Variants in PDZRN4 observed in about 807,000 individuals in gnomAD.
PDZRN4 encodes PDZ domain containing ring finger 4.
In PDZRN4, 70 loss-of-function variants were observed where a neutral mutation model predicts 99.0. The ratio of observed to expected loss-of-function variants is 0.71; its 90% CI spans 0.58 to 0.86. PDZRN4 has a LOEUF of 0.86. Ranked by LOEUF, PDZRN4 falls within the 40% of genes least tolerant of loss-of-function variation. The pLI is 0.00. For missense variants in PDZRN4, 1,474 were observed against 1,331.2 expected, an observed-to-expected ratio of 1.11 and a Z score of -1.67; for synonymous variants, 551 against 501.6, an observed-to-expected ratio of 1.10 and a Z score of -1.32.
intron 3 of PDZRN4, among the ~76,000 whole-genome samples, chr12:41,212,859 A>G (rs1055366206): frequency 2.6e-5 from 4 of 152,032 alleles, no homozygotes; most frequent in African/African-American, 9.7e-5. Flanking sequence ...AGCTTTTTAA[A>G]GAGACAGATG....
At chr12:41,218,062 C>A (rs972520302) in intron 3 of PDZRN4, among the ~76,000 whole-genome samples, 6 of 152,084 alleles carry the variant, frequency 3.9e-5, no homozygotes, top group African/African-American at 1.2e-4. Flanking sequence ...TCAAAAGCAG[C>A]CTTCCAAGTC....
At chr12:41,299,578 C>G (rs1951520155) in intron 3 of PDZRN4, among the ~76,000 whole-genome samples, 1 of 152,000 alleles carries the variant, frequency 6.6e-6, no homozygotes, top group Non-Finnish European at 1.5e-5. Context: ...TGTTCAGAGA[C>G]AAAATTGCTA....
At chr12:41,278,968 C>G (rs935919838) in intron 3 of PDZRN4, among the ~76,000 whole-genome samples, 10 of 152,078 alleles carry the variant, frequency 6.6e-5, no homozygotes, top group African/African-American at 2.4e-4. Context: ...AGAAAAAGTC[C>G]CAGTTAAATA....
chr12:41,363,465 T>A (rs560705121), intron 3 of PDZRN4, among the ~76,000 whole-genome samples: 10 of 152,266 alleles, frequency 6.6e-5, no homozygotes, highest in Middle Eastern at 3.4e-3. Flanking sequence ...GATGCATTTA[T>A]TCAAGTTGCA....
At chr12:41,393,445 T>C (rs1362964430) in intron 3 of PDZRN4, among the ~76,000 whole-genome samples, 1 of 152,054 alleles carries the variant, frequency 6.6e-6, no homozygotes, top group East Asian at 1.9e-4. Context: ...CATATATATA[T>C]GGCTTTGTAT....
chr12:41,229,058 A>G (rs1319808018), intron 3 of PDZRN4, among the ~76,000 whole-genome samples: 1 of 151,828 alleles, frequency 6.6e-6, no homozygotes, highest in East Asian at 2.0e-4. Context: ...CAAATTCTGC[A>G]TGATGTAGTG....
In PDZRN4 at chr12:41,243,585, T is replaced by C. The variant is rs577750320; in HGVS notation, c.843+49397T>C. On this transcript the variant is annotated intron_variant, in intron 3 of 9. Transcript: ENST00000402685. Reference sequence around the variant, plus strand: ...CTGTATTTAAAGCCAGATAGATCTATTGGAGTCCCTTTCTGTTCACAACTA... The same window carrying C: ...CTGTATTTAAAGCCAGATAGATCTACTGGAGTCCCTTTCTGTTCACAACTA... Among the ~76,000 whole-genome samples the C allele has an allele frequency of 1.1e-4, 16 of 152,260 alleles. No homozygotes were observed. In the South Asian group the frequency reaches 1.4e-3, roughly 14 times the overall value.
intron 3 of PDZRN4, among the ~76,000 whole-genome samples, chr12:41,202,086 G>A (rs1350885400): frequency 1.3e-5 from 2 of 152,122 alleles, no homozygotes; most frequent in Non-Finnish European, 2.9e-5. Context: ...TGATTGCAGA[G>A]GAACTAAAAA....
chr12:41,525,865 G>T (rs573763015), intron 5 of PDZRN4, among the ~76,000 whole-genome samples: 1 of 151,952 alleles, frequency 6.6e-6, no homozygotes, highest in Admixed American at 6.5e-5. Context: ...TTCAAATTAA[G>T]CCCATTTGTA....
intron 8 of PDZRN4, among the ~76,000 whole-genome samples, chr12:41,565,974 T>C (rs1433307913): frequency 6.6e-6 from 1 of 152,144 alleles, no homozygotes; most frequent in Non-Finnish European, 1.5e-5. Context: ...GCCGTTACAT[T>C]AGACTCAGAC....
Position 41,572,692 on chromosome 12 carries a change from G to T in PDZRN4, c.1913G>T (p.Arg638Leu). Residue 638 changes from arginine (R) to leucine (L), a missense_variant, in exon 10 of 10, where the codon CGA (arginine) becomes CTA (leucine). Arg to Leu is a moderately radical substitution (Grantham distance 102). Transcript: ENST00000402685. ...CTCTTGGAGCTCAAATGCAAGATTC[G>T]AAATCATGGAGAGTATGACCTGTAT... ...RQLLELKCKI[R>L]NHGEYDLYYS... 1 of 1,614,140 alleles carries T rather than the reference G, an allele frequency of 6.2e-7. No homozygotes were observed. Among genetic ancestry groups the T allele is most frequent in the South Asian group, 1.1e-5 (1 of 91,060 alleles).
chr12:41,271,299 C>T (rs1951312824), intron 3 of PDZRN4, among the ~76,000 whole-genome samples: 1 of 152,056 alleles, frequency 6.6e-6, no homozygotes, highest in Non-Finnish European at 1.5e-5. Context: ...TCTCATTACA[C>T]TTAGCTACTT....
At chr12:41,453,200 G>C (rs1174496087) in intron 3 of PDZRN4, among the ~76,000 whole-genome samples, 1 of 152,038 alleles carries the variant, frequency 6.6e-6, no homozygotes, top group Admixed American at 6.6e-5. Context: ...CATGCCCCCC[G>C]CCCCTGGGGG....
chr12:41,494,044 C>CT (rs1235395083), intron 3 of PDZRN4, among the ~76,000 whole-genome samples: 18 of 81,108 alleles, frequency 2.2e-4, no homozygotes, highest in African/African-American at 4.4e-4. Flanking sequence ...GTCACAGAAA[C>CT]ATTTTTATTT....
At chr12:41,273,596 C>T (rs1194349457) in intron 3 of PDZRN4, among the ~76,000 whole-genome samples, 1 of 151,902 alleles carries the variant, frequency 6.6e-6, no homozygotes, top group African/African-American at 2.4e-5. Flanking sequence ...GAAGTTTTGA[C>T]ACTACTCTAT....
intron 3 of PDZRN4, among the ~76,000 whole-genome samples, chr12:41,393,771 C>T (rs1952226606): frequency 1.3e-5 from 2 of 152,134 alleles, no homozygotes; most frequent in African/African-American, 2.4e-5. Context: ...ATCTGGAGGA[C>T]CCAAGACCAC....
chr12:41,294,862 T>C (rs936591848), intron 3 of PDZRN4, among the ~76,000 whole-genome samples: 10 of 152,102 alleles, frequency 6.6e-5, no homozygotes, highest in African/African-American at 2.2e-4. Flanking sequence ...TTATCATAAA[T>C]TCTAAAAGGA....
At chr12:41,493,277 G>A (rs1356075802) in intron 3 of PDZRN4, among the ~76,000 whole-genome samples, 1 of 152,136 alleles carries the variant, frequency 6.6e-6, no homozygotes, top group East Asian at 1.9e-4. Flanking sequence ...GAACAATGGA[G>A]AGCTTTTACT....
At chr12:41,286,528 A>G (rs915902439) in intron 3 of PDZRN4, among the ~76,000 whole-genome samples, 4 of 152,126 alleles carry the variant, frequency 2.6e-5, no homozygotes, top group Non-Finnish European at 5.9e-5. Flanking sequence ...TCTGTGAGGA[A>G]GTTTGTGTAC....
Sources: allele counts gnomAD v4.1 joint callset (sites outside exome capture counted in the v4.1 genomes callset), GRCh38; gene constraint gnomAD v4.1.1; transcripts MANE v1.5; gene names NCBI Gene and HGNC (gene_info 2026-07-23, HGNC 2026-07-21).